The following OGFRL1 variants were observed in gnomAD, a reference collection of about 807,000 sequenced individuals.
OGFRL1 encodes the protein opioid growth factor receptor like 1.
Under a neutral mutation model 32.4 loss-of-function variants are expected in OGFRL1, and 26 were observed. The ratio of observed to expected loss-of-function variants is 0.80; its 90% CI spans 0.59 to 1.11. The LOEUF (loss-of-function observed/expected upper bound fraction) is 1.11. Among genes scored for constraint, OGFRL1 ranks in the 50% most tolerant of loss-of-function variants. OGFRL1 has a pLI of 0.00. For synonymous variants in OGFRL1, 211 were observed against 201.2 expected (o/e 1.05, Z -0.41); for missense variants, 521 against 546.4 (o/e 0.95, Z 0.46).
rs1010432571 is a variant in OGFRL1 at position 71,288,862 on chromosome 6, T to C, written c.-75T>C. The C allele has an allele frequency of 2.8e-6, 3 of 1,063,584 alleles. No homozygotes were observed. The African/African-American group carries it at 5.2e-5, about 18-fold the overall frequency. The allele number at this position is 1,063,584 out of a possible 1,614,324, so 65.9% of individuals were successfully genotyped here. ...CCGCCCAGCGCCCTCGCCGCGGCCATGCCCGGGCCCTAGAGCGCCTGCCGC... is the reference window on the plus strand; with the variant it reads ...CCGCCCAGCGCCCTCGCCGCGGCCACGCCCGGGCCCTAGAGCGCCTGCCGC... On this transcript the variant is annotated 5_prime_UTR_variant, in exon 1 of 7. It removes an upstream start codon present in the reference 5' UTR. Transcript: ENST00000370435.
At chr6:71,289,640 G>T (rs1765983287) in intron 1 of OGFRL1, 1 of 984,102 alleles carries the variant, frequency 1.0e-6, no homozygotes, top group Non-Finnish European at 1.2e-6. Flanking sequence ...CTACAGTGGG[G>T]TCTAAGCCGT....
In OGFRL1 at chr6:71,302,248, C is replaced by G; in HGVS notation, c.*199C>G. On this transcript the variant is annotated 3_prime_UTR_variant, in exon 7 of 7. Transcript: ENST00000370435. Reference sequence around the variant, plus strand: ...TAATAAGGAGATTTAAGATAAGACCCAATAAATGAATGTATTCTGTAATGC... The same window carrying G: ...TAATAAGGAGATTTAAGATAAGACCGAATAAATGAATGTATTCTGTAATGC... 2.4e-6 allele frequency: 1 copy of G among 413,794 alleles called. No individual in the cohort carries two copies. The highest frequency in any genetic ancestry group is 4.2e-6 in the Non-Finnish European group (1 of 238,208). The allele number at this position is 413,794 out of a possible 1,614,324, so 25.6% of individuals were successfully genotyped here.
chr6:71,304,582 TG>T lies in OGFRL1; in HGVS notation c.*2534del. ...TAAAGTTACCAGATACTAAAATCAA[TG>T]AATGTAATTTGAATTACTTAGAAAT... On this transcript the variant is annotated 3_prime_UTR_variant, in exon 7 of 7. Coordinates refer to ENST00000370435, the MANE Select transcript of OGFRL1 (RefSeq NM_024576.5). 6.6e-6 allele frequency: 1 copy of T among 152,264 alleles called. No homozygotes were observed. Among genetic ancestry groups the T allele is most frequent in the African/African-American group, 2.4e-5 (1 of 41,572 alleles). The allele number at this position is 152,264 out of a possible 1,614,324, so 9.4% of individuals were successfully genotyped here. A position where few individuals can be genotyped will look rare whatever the true frequency, so the allele number is the denominator to read the frequency against.
chr6:71,296,542 T>C lies in OGFRL1; in HGVS notation c.527T>C (p.Leu176Pro), dbSNP rs1766215843. ...EQGLNFYAKE[L>P]TTYEIEEFKK... ...GGCTTGAACTTCTATGCCAAAGAACTAACTACATATGAAATTGAGGTAATG... is the reference window on the plus strand; with the variant it reads ...GGCTTGAACTTCTATGCCAAAGAACCAACTACATATGAAATTGAGGTAATG... Residue 176 changes from leucine to proline, a missense_variant, in exon 5 of 7, where the codon CTA becomes CCA. Transcript: ENST00000370435. 1 of 1,611,876 alleles carries C rather than the reference T, an allele frequency of 6.2e-7. No homozygotes were observed. The highest frequency in any genetic ancestry group is 1.3e-5 in the African/African-American group (1 of 74,870).
chr6:71,296,175 A>T (rs1582554194), intron 3 of OGFRL1, 142 bp from the exon 4 acceptor site: 3 of 598,600 alleles, frequency 5.0e-6, no homozygotes, highest in Non-Finnish European at 8.8e-6. Flanking sequence ...GGCATAGGGT[A>T]TTCATCTTTT....
intron 6 of OGFRL1, among the ~76,000 whole-genome samples, chr6:71,298,384 C>T (rs34900408): frequency 0.023 from 3,458 of 152,220 alleles, 53 homozygotes; most frequent in Non-Finnish European, 0.034. Flanking sequence ...CCTCATCTTT[C>T]ATGTACTTAA....
Position 71,301,819 on chromosome 6 carries a change from GAGAC to G in OGFRL1, c.1133_1136del (p.Asp378GlyfsTer25). 7.4e-6 allele frequency: 12 copies of G among 1,613,152 alleles called. No homozygotes were observed. Among genetic ancestry groups the G allele is most frequent in the Non-Finnish European group, 6.8e-6 (8 of 1,179,810 alleles). On this transcript the variant is annotated frameshift_variant, in exon 7 of 7. Coordinates refer to ENST00000370435, the MANE Select transcript of OGFRL1 (RefSeq NM_024576.5). LOFTEE classifies it low-confidence loss of function (END_TRUNC). ...AGTGGCACCAAAAGAGCCTGTGGAA[GAGAC>G]AGACAGGCCCAGCCCAGAGCCCAGC...
chr6:71,289,701 T>G (rs1885674), intron 1 of OGFRL1: 233,187 of 984,932 alleles, frequency 0.24, 28,868 homozygotes, highest in East Asian at 0.55. Flanking sequence ...TCTGCCCAAC[T>G]CAGGCCTTTC....
rs563135445 is a variant in OGFRL1 at position 71,302,397 on chromosome 6, A to C, written c.*348A>C. On this transcript the variant is annotated 3_prime_UTR_variant, in exon 7 of 7. Coordinates refer to ENST00000370435, the MANE Select transcript of OGFRL1 (RefSeq NM_024576.5). ...ACATTCTTTTGAGACATTATAGTCT[A>C]CATGAAGGAAATCAAGAGGATAATT... 6.1e-6 allele frequency: 1 copy of C among 162,664 alleles called. No homozygotes were observed. Among genetic ancestry groups the C allele is most frequent in the South Asian group, 2.0e-4 (1 of 5,002 alleles). The allele number at this position is 162,664 out of a possible 1,614,324, so 10.1% of individuals were successfully genotyped here.
chr6:71,300,719 G>A (rs1195741357), intron 6 of OGFRL1, among the ~76,000 whole-genome samples: 1 of 152,136 alleles, frequency 6.6e-6, no homozygotes, highest in Non-Finnish European at 1.5e-5. Flanking sequence ...TACAGATGAG[G>A]ATATTGAGAC....
chr6:71,295,752 T>C (rs1034555312), intron 3 of OGFRL1: 7 of 152,266 alleles, frequency 4.6e-5, no homozygotes, highest in Admixed American at 4.6e-4. Context: ...GTTTTCCTTC[T>C]CCTTTGTTTT....
chr6:71,294,106 A>G (rs920528063), intron 3 of OGFRL1, among the ~76,000 whole-genome samples: 2 of 152,172 alleles, frequency 1.3e-5, no homozygotes, highest in African/African-American at 4.8e-5. Context: ...TGGAGTTCCA[A>G]TATTCTGGGA....
intron 1 of OGFRL1, chr6:71,289,746 T>C (rs1765988905): frequency 1.0e-6 from 1 of 985,296 alleles, no homozygotes; most frequent in South Asian, 4.7e-5. Context: ...ACGAATCTTA[T>C]TTCACCAGAA....
chr6:71,302,632 T>C lies in OGFRL1; in HGVS notation c.*583T>C, dbSNP rs9346460. 0.15 allele frequency: 22,969 copies of C among 152,116 alleles called. 2,268 individuals carry two copies. The highest frequency in any genetic ancestry group is 0.26 in the African/African-American group (10,643 of 41,462). 9.4% of individuals were successfully genotyped at this position (152,116 alleles called of 1,614,324 possible). A position where few individuals can be genotyped will look rare whatever the true frequency, so the allele number is the denominator to read the frequency against. ...GATTACAGGCGTGTGCCACCACGCC[T>C]GGCTAATTTTTGTATTTTTAGTAGA... On this transcript the variant is annotated 3_prime_UTR_variant, in exon 7 of 7. Transcript: ENST00000370435.
At chr6:71,299,445 T>C (rs1766316940) in intron 6 of OGFRL1, among the ~76,000 whole-genome samples, 1 of 152,334 alleles carries the variant, frequency 6.6e-6, no homozygotes, top group East Asian at 1.9e-4. Context: ...TTTCCTTTTA[T>C]ACTGTTGTGT....
intron 6 of OGFRL1, among the ~76,000 whole-genome samples, chr6:71,300,832 C>T (rs565662615): frequency 3.9e-5 from 6 of 152,278 alleles, no homozygotes; most frequent in African/African-American, 1.4e-4. Context: ...CTAAGCTCTG[C>T]TAAATAAGTC....
At chr6:71,297,618 C>T (rs1766251484) in intron 6 of OGFRL1, among the ~76,000 whole-genome samples, 1 of 151,900 alleles carries the variant, frequency 6.6e-6, no homozygotes, top group South Asian at 2.1e-4. Context: ...CTTTAAAGTA[C>T]TTTTAAGCAT....
intron 1 of OGFRL1, 115 bp downstream of exon 1, chr6:71,289,285 G>T (rs1419571519): frequency 2.0e-6 from 2 of 1,010,622 alleles, no homozygotes; most frequent in African/African-American, 3.5e-5. Context: ...GCTGCTCGCC[G>T]CTGCGACCCG....
At chr6:71,297,910 G>A (rs1024025299) in intron 6 of OGFRL1, among the ~76,000 whole-genome samples, 10 of 150,844 alleles carry the variant, frequency 6.6e-5, no homozygotes, top group Non-Finnish European at 3.0e-5. Context: ...CTATTTACTC[G>A]TCATTTAGCA....
Sources: allele counts gnomAD v4.1 joint callset (sites outside exome capture counted in the v4.1 genomes callset), GRCh38; gene constraint gnomAD v4.1.1; transcripts MANE v1.5; gene names NCBI Gene and HGNC (gene_info 2026-07-23, HGNC 2026-07-21).